Variants in STXBP5L observed in about 807,000 individuals in gnomAD.
STXBP5L encodes the protein syntaxin binding protein 5L, also known as syntaxin-binding protein 5-like.
A neutral mutation model predicts 144.5 loss-of-function variants in STXBP5L; 65 were observed. The observed-to-expected ratio is 0.45, with a 90% CI of 0.37 to 0.55. STXBP5L has a LOEUF of 0.55. Among genes scored for constraint, STXBP5L ranks in the 20% least tolerant of loss-of-function variants. The pLI, the probability that STXBP5L is intolerant of heterozygous loss-of-function variation, is 0.00. For missense variants in STXBP5L, 1,298 were observed against 1,405.5 expected, an observed-to-expected ratio of 0.92 and a Z score of 1.22; for synonymous variants, 505 against 469.6, an observed-to-expected ratio of 1.08 and a Z score of -0.97.
At chr3:121,206,039 C>T in intron 10 of STXBP5L, 38 bp downstream of exon 10, 2 of 1,282,882 alleles carry the variant, frequency 1.6e-6, no homozygotes. Flanking sequence ...GGATACGAAG[C>T]AGAGACAAAA....
intron 6 of STXBP5L, among the ~76,000 whole-genome samples, chr3:121,115,991 A>G (rs2044215845): frequency 6.6e-6 from 1 of 152,150 alleles, no homozygotes; most frequent in South Asian, 2.1e-4. Context: ...TCCACTTCCC[A>G]TGATCCAAAT....
chr3:121,218,867 C>T (rs1214637057), intron 10 of STXBP5L, among the ~76,000 whole-genome samples: 6 of 152,132 alleles, frequency 3.9e-5, no homozygotes, highest in Admixed American at 6.6e-5. Flanking sequence ...CAATACCTGT[C>T]TCACTATGAT....
intron 5 of STXBP5L, among the ~76,000 whole-genome samples, chr3:121,094,349 T>C (rs1437260050): frequency 1.3e-5 from 2 of 152,180 alleles, no homozygotes; most frequent in African/African-American, 4.8e-5. Context: ...GTCTCGTTGA[T>C]CTGTCTAATG....
intron 9 of STXBP5L, among the ~76,000 whole-genome samples, chr3:121,190,517 A>G (rs970141853): frequency 3.9e-5 from 6 of 152,132 alleles, no homozygotes; most frequent in African/African-American, 1.2e-4. Context: ...CCCCTTTTCT[A>G]TTCGACAAAA....
chr3:121,069,329 T>A (rs1270936081), intron 5 of STXBP5L, among the ~76,000 whole-genome samples: 1 of 152,208 alleles, frequency 6.6e-6, no homozygotes, highest in Non-Finnish European at 1.5e-5. Flanking sequence ...CATCAAGAGC[T>A]TATTTTATTT....
Position 121,073,650 on chromosome 3 carries a change from C to T in STXBP5L, c.470+28115C>T, listed in dbSNP as rs148645824. 4.5e-3 allele frequency among the ~76,000 whole-genome samples: 689 copies of T among 152,278 alleles called. 4 individuals are homozygous for T. The highest frequency in any genetic ancestry group is 0.016 in the African/African-American group (657 of 41,550). Reference sequence around the variant, plus strand: ...CCTAATGCTGGGGCCTGGATCAAAGCCTTCTTGATGTCTTTGAAGGCCATG... The same window carrying T: ...CCTAATGCTGGGGCCTGGATCAAAGTCTTCTTGATGTCTTTGAAGGCCATG... On this transcript the variant is annotated intron_variant, in intron 5 of 26. Transcript: ENST00000471454.
intron 4 of STXBP5L, among the ~76,000 whole-genome samples, chr3:121,042,912 G>A (rs1947258943): frequency 6.6e-6 from 1 of 151,574 alleles, no homozygotes; most frequent in Admixed American, 6.6e-5. Flanking sequence ...TATCTAGAAT[G>A]TCAGGCTTCT....
chr3:121,149,188 A>G (rs142175112), intron 7 of STXBP5L, among the ~76,000 whole-genome samples: 8 of 152,196 alleles, frequency 5.3e-5, no homozygotes, highest in African/African-American at 1.9e-4. Context: ...TGTTTACTTC[A>G]TCATAATTCA....
At chr3:120,942,334 T>G (rs1166100055) in intron 2 of STXBP5L, among the ~76,000 whole-genome samples, 1 of 151,612 alleles carries the variant, frequency 6.6e-6, no homozygotes, top group African/African-American at 2.4e-5. Flanking sequence ...ATTATAACAA[T>G]GGTATTGTAA....
chr3:121,330,309 C>T (rs753061083), intron 20 of STXBP5L, among the ~76,000 whole-genome samples: 4 of 152,218 alleles, frequency 2.6e-5, no homozygotes, highest in Non-Finnish European at 4.4e-5. Context: ...CCCCACTGCC[C>T]TAGCAGATTC....
intron 6 of STXBP5L, among the ~76,000 whole-genome samples, chr3:121,120,199 A>G (rs1161535508): frequency 6.6e-6 from 1 of 151,332 alleles, no homozygotes; most frequent in Admixed American, 6.6e-5. Context: ...TGTTAGTGCA[A>G]TCAAACCAAG....
At chr3:121,167,591 A>T (rs919462760) in intron 9 of STXBP5L, among the ~76,000 whole-genome samples, 1 of 152,006 alleles carries the variant, frequency 6.6e-6, no homozygotes, top group South Asian at 2.1e-4. Flanking sequence ...GCCCTCCTTA[A>T]CTCAGCAAAA....
At chr3:121,282,338 G>A in intron 19 of STXBP5L, 3 of 1,610,912 alleles carry the variant, frequency 1.9e-6, no homozygotes, top group Non-Finnish European at 2.5e-6. Flanking sequence ...TCCTATCAGA[G>A]TAAGTTATAT....
chr3:121,120,296 T>C (rs2044401270), intron 6 of STXBP5L, among the ~76,000 whole-genome samples: 1 of 151,294 alleles, frequency 6.6e-6, no homozygotes, highest in Non-Finnish European at 1.5e-5. Flanking sequence ...CATTTATACC[T>C]TTATAGAACA....
chr3:121,095,472 G>C (rs948519779), intron 5 of STXBP5L, among the ~76,000 whole-genome samples: 1 of 152,096 alleles, frequency 6.6e-6, no homozygotes, highest in Non-Finnish European at 1.5e-5. Context: ...TTTCTTGGAG[G>C]CTTTGTTCAT....
Position 121,407,711 on chromosome 3 carries a change from T to G in STXBP5L, c.2948+108T>G, listed in dbSNP as rs746300988. 6 of 1,390,264 alleles carry G rather than the reference T, an allele frequency of 4.3e-6. No homozygotes were observed. In the African/African-American group the frequency reaches 8.7e-5, roughly 20 times the overall value. The allele number at this position is 1,390,264 out of a possible 1,614,324, so 86.1% of individuals were successfully genotyped here. A position where few individuals can be genotyped will look rare whatever the true frequency, so the allele number is the denominator to read the frequency against. The stretch of plus-strand genomic sequence containing the variant: ...GATGTTATCAAGAAGCAAACTGAGA[T>G]TATTGTTTCATTATGTTTCTGGATG... On this transcript the variant is annotated intron_variant, in intron 23 of 26. Coordinates refer to ENST00000471454, the MANE Select transcript of STXBP5L (RefSeq NM_001308330.2).
At chr3:121,016,702 TC>T (rs1178557999) in intron 3 of STXBP5L, among the ~76,000 whole-genome samples, 4 of 152,162 alleles carry the variant, frequency 2.6e-5, no homozygotes, top group Non-Finnish European at 5.9e-5. Flanking sequence ...CTATATTTGA[TC>T]TTTGAAAGAC....
At chr3:121,105,578 A>G (rs2043662494) in intron 5 of STXBP5L, among the ~76,000 whole-genome samples, 1 of 152,142 alleles carries the variant, frequency 6.6e-6, no homozygotes, top group African/African-American at 2.4e-5. Flanking sequence ...GGATGTGGTG[A>G]AAAGGAAACA....
At chr3:121,337,692 A>AT (rs939459927) in intron 20 of STXBP5L, among the ~76,000 whole-genome samples, 3 of 152,144 alleles carry the variant, frequency 2.0e-5, no homozygotes, top group African/African-American at 7.2e-5. Context: ...CTTAAACTGC[A>AT]TTCTAGAACA....
Sources: gnomAD v4.1 joint callset for allele counts (sites outside exome capture counted in the v4.1 genomes callset) on GRCh38, gnomAD v4.1.1 for gene constraint, MANE v1.5 for transcripts, NCBI Gene and HGNC (gene_info 2026-07-23, HGNC 2026-07-21) for gene names.